Variants in PIAS1 observed in about 807,000 individuals in gnomAD.
The protein encoded by PIAS1 is protein inhibitor of activated STAT 1.
PIAS1 carries 6 observed loss-of-function variants against 71.3 expected under a neutral mutation model. The ratio of observed to expected loss-of-function variants is 0.08; its 90% CI spans 0.05 to 0.17. PIAS1 has a LOEUF of 0.17. PIAS1 is among the 10% of genes least tolerant of loss of function. The probability of loss-of-function intolerance (pLI) is 1.00; values close to 1 mark genes in which losing one functional copy is unlikely to be tolerated. For synonymous variants in PIAS1, 303 were observed against 292.9 expected, an observed-to-expected ratio of 1.03 and a Z score of -0.35; for missense variants, 555 against 793.6, an observed-to-expected ratio of 0.70 and a Z score of 3.61.
intron 2 of PIAS1, among the ~76,000 whole-genome samples, chr15:68,106,218 T>C (rs1330379090): frequency 1.3e-5 from 2 of 151,672 alleles, no homozygotes; most frequent in African/African-American, 4.8e-5. Flanking sequence ...CACCCAGGGT[T>C]GGAGGAAAGA....
In PIAS1 at chr15:68,077,371, G is replaced by C. The variant is rs1421791996; in HGVS notation, c.25-8935G>C. 2.0e-5 allele frequency among the ~76,000 whole-genome samples: 3 copies of C among 152,236 alleles called. No homozygotes were observed. The East Asian group carries it at 5.8e-4, about 29-fold the overall frequency. ...GTACTATGGACTGCAGAATGCTTGAGAATGATCAGGAGTGGGAAGGGGTCT... is the reference window on the plus strand; with the variant it reads ...GTACTATGGACTGCAGAATGCTTGACAATGATCAGGAGTGGGAAGGGGTCT... On this transcript the variant is annotated intron_variant, in intron 1 of 13. Coordinates refer to ENST00000249636, the MANE Select transcript of PIAS1 (RefSeq NM_016166.3).
Position 68,054,481 on chromosome 15 carries a change from G to C in PIAS1, c.24+131G>C. On this transcript the variant is annotated intron_variant, in intron 1 of 13. Transcript: ENST00000249636. This position sits in a 1 kb window ranked among gnomAD's most constrained non-coding sequence, Gnocchi z 4.6. ...ACCCGGGCCTGGAGTTGTAGGGAGA[G>C]AGGCGCGCCCGGTCTCAGCAGAGGG... The C allele has an allele frequency of 1.0e-6, 1 of 972,432 alleles. No individual in the cohort carries two copies. 60.2% of individuals were successfully genotyped at this position (972,432 alleles called of 1,614,324 possible).
intron 2 of PIAS1, among the ~76,000 whole-genome samples, chr15:68,093,683 A>G (rs753842566): frequency 2.0e-5 from 3 of 152,220 alleles, no homozygotes; most frequent in Non-Finnish European, 4.4e-5. Context: ...TGAGAGGGTT[A>G]TAATGGGGGG....
intron 7 of PIAS1, among the ~76,000 whole-genome samples, chr15:68,155,449 TAAAAAAAA>T (rs71937461): frequency 9.7e-6 from 1 of 103,324 alleles, no homozygotes; most frequent in Non-Finnish European, 1.9e-5. Context: ...ATGCTGCCTG[TAAAAAAAA>T]AAAAAAAAAA....
Position 68,176,629 on chromosome 15 carries a change from C to G in PIAS1, c.1456C>G (p.Pro486Ala). The part of the protein sequence containing the change: ...SAKRTCPSLS[P>A]TSPLNNKGIL... ...CAAGAGGACCTGTCCTTCCCTATCTCCCACATCACCACTAAATAATAAAGG... is the reference window on the plus strand; with the variant it reads ...CAAGAGGACCTGTCCTTCCCTATCTGCCACATCACCACTAAATAATAAAGG... The change falls in exon 11 of 14, where the codon CCC becomes GCC. Residue 486 changes from proline (P) to alanine (A), a missense_variant. Physicochemically the swap from Pro to Ala is conservative, Grantham distance 27 (BLOSUM62 -1). This residue lies in a region of PIAS1 where 244 missense variants were observed against 307.5 expected (regional missense o/e 0.79). Coordinates refer to ENST00000249636, the MANE Select transcript of PIAS1 (RefSeq NM_016166.3). 6.2e-7 allele frequency: 1 copy of G among 1,600,336 alleles called. No homozygotes were observed. The highest frequency in any genetic ancestry group is 1.1e-5 in the South Asian group (1 of 89,160).
At chr15:68,176,960 TG>T (rs1188347079) in intron 11 of PIAS1, among the ~76,000 whole-genome samples, 1 of 152,122 alleles carries the variant, frequency 6.6e-6, no homozygotes, top group Non-Finnish European at 1.5e-5. Flanking sequence ...CCCCCATGTC[TG>T]AGTCAGGAGT....
intron 2 of PIAS1, among the ~76,000 whole-genome samples, chr15:68,113,872 G>C (rs1435705225): frequency 6.6e-6 from 1 of 152,048 alleles, no homozygotes; most frequent in African/African-American, 2.4e-5. Flanking sequence ...GGTAATTTCT[G>C]TATGAATGGA....
chr15:68,147,159 A>G (rs945784455), intron 6 of PIAS1, among the ~76,000 whole-genome samples: 4 of 152,208 alleles, frequency 2.6e-5, no homozygotes, highest in African/African-American at 9.6e-5. Flanking sequence ...CAAAGAGCCT[A>G]CAGAATTTTA....
intron 2 of PIAS1, among the ~76,000 whole-genome samples, chr15:68,129,322 C>T (rs776765207): frequency 6.6e-4 from 100 of 152,108 alleles, no homozygotes; most frequent in Non-Finnish European, 2.2e-4. Flanking sequence ...TCTGCCTCAG[C>T]CACCCAAAGC....
Position 68,086,960 on chromosome 15 carries a change from A to G in PIAS1, c.469+210A>G, listed in dbSNP as rs532419914. On this transcript the variant is annotated intron_variant, in intron 2 of 13. Coordinates refer to ENST00000249636, the MANE Select transcript of PIAS1 (RefSeq NM_016166.3). The surrounding 1 kb of genome is among the most constrained non-coding windows in gnomAD (Gnocchi z 7.2). Reference sequence around the variant, plus strand: ...GGTAGTATAGTGATGGTTACTGACAAAGTAAATATTAAAAAGTTTCAAGAA... The same window carrying G: ...GGTAGTATAGTGATGGTTACTGACAGAGTAAATATTAAAAAGTTTCAAGAA... Among the ~76,000 whole-genome samples, 1 of 152,344 alleles carries G rather than the reference A, an allele frequency of 6.6e-6. No homozygotes were observed. The highest frequency in any genetic ancestry group is 1.9e-4 in the East Asian group (1 of 5,192).
intron 7 of PIAS1, among the ~76,000 whole-genome samples, chr15:68,158,023 G>A (rs1478231569): frequency 2.0e-5 from 3 of 151,966 alleles, no homozygotes; most frequent in Non-Finnish European, 2.9e-5. Context: ...TCTCCTTGAC[G>A]CCTTTTTCTA....
intron 2 of PIAS1, among the ~76,000 whole-genome samples, chr15:68,101,332 GTTT>G (rs35754942): frequency 1.5e-4 from 21 of 137,294 alleles, no homozygotes; most frequent in Admixed American, 2.1e-4. Context: ...TAATTGCAGT[GTTT>G]TTTTTTTTTT....
chr15:68,179,561 G>GTTTTTTTTTTTT (rs1307028845), intron 11 of PIAS1, among the ~76,000 whole-genome samples: 10 of 30,184 alleles, frequency 3.3e-4, no homozygotes, highest in Admixed American at 9.0e-4. Flanking sequence ...CTCGTGAAAT[G>GTTTTTTTTTTTT]TTCTTTTTTT....
intron 1 of PIAS1, among the ~76,000 whole-genome samples, chr15:68,063,794 G>C (rs1028098712): frequency 2.6e-5 from 4 of 151,764 alleles, no homozygotes; most frequent in Non-Finnish European, 4.4e-5. Flanking sequence ...CATTATTTAC[G>C]TGCTGACATT....
chr15:68,120,551 A>T (rs1034326246), intron 2 of PIAS1, among the ~76,000 whole-genome samples: 2 of 151,618 alleles, frequency 1.3e-5, no homozygotes, highest in Non-Finnish European at 2.9e-5. Flanking sequence ...ATTCGTCACG[A>T]CCCTACTTCA....
intron 8 of PIAS1, among the ~76,000 whole-genome samples, chr15:68,170,744 G>A (rs536182494): frequency 1.8e-4 from 28 of 152,130 alleles, no homozygotes; most frequent in South Asian, 6.2e-4. Flanking sequence ...AGGCTCAAGC[G>A]ATTCTCCTGC....
chr15:68,177,268 G>T (rs1343220145), intron 11 of PIAS1, among the ~76,000 whole-genome samples: 2 of 83,002 alleles, frequency 2.4e-5, no homozygotes, highest in East Asian at 1.4e-3. Context: ...AACAGAGCGA[G>T]ACTTTGTCTC....
At chr15:68,080,369 A>T (rs1220681448) in intron 1 of PIAS1, among the ~76,000 whole-genome samples, 2 of 152,224 alleles carry the variant, frequency 1.3e-5, no homozygotes, top group Non-Finnish European at 2.9e-5. Context: ...AGTCAATAAG[A>T]TGGACCTGGA....
intron 2 of PIAS1, among the ~76,000 whole-genome samples, chr15:68,107,059 A>G (rs1190432254): frequency 6.6e-6 from 1 of 152,208 alleles, no homozygotes; most frequent in African/African-American, 2.4e-5. Flanking sequence ...CTAGAGAACC[A>G]TATTCTAAGA....
Sources: gnomAD v4.1 joint callset for allele counts (sites outside exome capture counted in the v4.1 genomes callset) on GRCh38, gnomAD v4.1.1 for gene constraint, gnomAD v4.1.1 regional missense constraint, Gnocchi (gnomAD v3.1) non-coding constraint, MANE v1.5 for transcripts, NCBI Gene and HGNC (gene_info 2026-07-23, HGNC 2026-07-21) for gene names.